PRRG1: variants seen among roughly 807,000 people sequenced by gnomAD.
PRRG1 encodes transmembrane gamma-carboxyglutamic acid protein 1.
A neutral mutation model predicts 11.8 loss-of-function variants in PRRG1; 5 were observed. The ratio of observed to expected loss-of-function variants is 0.42; its 90% CI spans 0.22 to 0.89. PRRG1 has a LOEUF of 0.89. Ranked by LOEUF, PRRG1 falls within the 40% of genes least tolerant of loss-of-function variation. The probability of loss-of-function intolerance (pLI) is 0.28; values close to 1 mark genes in which losing one functional copy is unlikely to be tolerated. For synonymous variants in PRRG1, 66 were observed against 60.4 expected (o/e 1.09, Z -0.43); for missense variants, 155 against 166.1 (o/e 0.93, Z 0.37).
chrX:37,393,632 T>G (rs1931617885), intron 1 of PRRG1, among the ~76,000 whole-genome samples: 1 of 111,679 alleles, frequency 9.0e-6, no homozygotes, highest in Non-Finnish European at 1.9e-5. Context: ...TCTCCCTTGC[T>G]GGTTATGCTG....
intron 1 of PRRG1, among the ~76,000 whole-genome samples, chrX:37,394,173 T>C (rs1267587496): frequency 8.9e-6 from 1 of 112,212 alleles, no homozygotes; most frequent in Non-Finnish European, 1.9e-5. Context: ...ATAATAGATA[T>C]ACAACAAATA....
At chrX:37,378,562 G>A (rs1601980935) in intron 1 of PRRG1, among the ~76,000 whole-genome samples, 1 of 111,633 alleles carries the variant, frequency 9.0e-6, no homozygotes, top group East Asian at 2.8e-4. Context: ...TGAATGGATA[G>A]TGAGGTAATT....
intron 1 of PRRG1, among the ~76,000 whole-genome samples, chrX:37,358,802 T>C (rs1011540141): frequency 8.9e-6 from 1 of 111,910 alleles, no homozygotes; most frequent in Non-Finnish European, 1.9e-5. Flanking sequence ...GTAGATCAAG[T>C]TGGAAAGAAC....
chrX:37,373,269 C>T (rs1556371282), intron 1 of PRRG1, among the ~76,000 whole-genome samples: 1 of 111,697 alleles, frequency 9.0e-6, no homozygotes, highest in East Asian at 2.8e-4. Flanking sequence ...GCTGCTTTGG[C>T]TATTGGGGGT....
At chrX:37,426,139 T>A in intron 3 of PRRG1, 139 bp downstream of exon 3, 2 of 659,426 alleles carry the variant, frequency 3.0e-6, no homozygotes, top group Non-Finnish European at 4.4e-6. Flanking sequence ...GGCATCTAAC[T>A]AGTAATATTC....
At chrX:37,392,657 C>CAAAA (rs11296949) in intron 1 of PRRG1, among the ~76,000 whole-genome samples, 2 of 50,696 alleles carry the variant, frequency 3.9e-5, no homozygotes, top group African/African-American at 5.7e-5. Context: ...GACTCTGTCT[C>CAAAA]AAAAAAAAAA....
Position 37,369,024 on chromosome X carries a change from G to A in PRRG1, c.-42+19629G>A, listed in dbSNP as rs895988499. ...CCCCTCTACTCACACAGCCCACAAGGCACTATTATCATTTTACTTTTAAAC... is the reference window on the plus strand; with the variant it reads ...CCCCTCTACTCACACAGCCCACAAGACACTATTATCATTTTACTTTTAAAC... On this transcript the variant is annotated intron_variant, in intron 1 of 3. Coordinates refer to ENST00000378628, the MANE Select transcript of PRRG1 (RefSeq NM_001142395.2). 8.1e-5 allele frequency among the ~76,000 whole-genome samples: 9 copies of A among 111,395 alleles called. No individual in the cohort carries two copies. The Admixed American group carries it at 8.6e-4, about 11-fold the overall frequency.
chrX:37,389,067 A>G lies in PRRG1; in HGVS notation c.-41-17142A>G, dbSNP rs192092279. On this transcript the variant is annotated intron_variant, in intron 1 of 3. Transcript: ENST00000378628. ...CCACAGATCCCTAGGGTGGGGGTAC[A>G]ATTCAGTCAAATTCTTTGCAAGGAC... Among the ~76,000 whole-genome samples the G allele has an allele frequency of 3.1e-3, 351 of 111,857 alleles. 1 individual carries two copies. Among genetic ancestry groups the G allele is most frequent in the African/African-American group, 0.011 (326 of 30,748 alleles).
At chrX:37,419,010 G>A (rs782778774) in intron 2 of PRRG1, among the ~76,000 whole-genome samples, 4 of 111,860 alleles carry the variant, frequency 3.6e-5, no homozygotes, top group Non-Finnish European at 7.5e-5. Context: ...GTATGACCTT[G>A]GTCATCTCTT....
chrX:37,432,294 G>A (rs868983509), intron 3 of PRRG1, among the ~76,000 whole-genome samples: 188 of 95,453 alleles, frequency 2.0e-3, no homozygotes, highest in African/African-American at 0.01. Flanking sequence ...CACCCTGTTA[G>A]CCAGGATGGT....
intron 3 of PRRG1, among the ~76,000 whole-genome samples, chrX:37,448,559 AT>A (rs1266321937): frequency 8.9e-6 from 1 of 111,742 alleles, no homozygotes; most frequent in Non-Finnish European, 1.9e-5. Flanking sequence ...AATTACTAGA[AT>A]TTCCTTTATG....
rs978160547 is a variant in PRRG1, at chrX:37,448,903, G to A, written c.172-4233G>A. On this transcript the variant is annotated intron_variant, in intron 3 of 3. Transcript: ENST00000378628. ...ACCTCAGCCTCTGAAGTAGCTGAGG[G>A]TACAGGTTTGTGCTACCACACCTCC... Among the ~76,000 whole-genome samples the A allele has an allele frequency of 9.9e-5, 11 of 111,485 alleles. 1 individual carries two copies. Among genetic ancestry groups the A allele is most frequent in the African/African-American group, 3.6e-4 (11 of 30,617 alleles).
In PRRG1 at chrX:37,454,343, A is replaced by G. The variant is rs1394607097; in HGVS notation, c.*722A>G. 9.0e-6 allele frequency: 1 copy of G among 111,378 alleles called. No individual in the cohort carries two copies. The highest frequency in any genetic ancestry group is 1.9e-5 in the Non-Finnish European group (1 of 53,079). 9.2% of individuals were successfully genotyped at this position (111,378 alleles called of 1,213,427 possible). ...CAAAATTAAACAGTGTTTTCTTAGC[A>G]TCTTGAATATCTCCTGCGGTGTATA... On this transcript the variant is annotated 3_prime_UTR_variant, in exon 4 of 4. Coordinates refer to ENST00000378628, the MANE Select transcript of PRRG1 (RefSeq NM_001142395.2).
chrX:37,398,240 C>T (rs1244014453), intron 1 of PRRG1, among the ~76,000 whole-genome samples: 2 of 111,097 alleles, frequency 1.8e-5, no homozygotes, highest in Admixed American at 9.5e-5. Context: ...CCAGTAGGGG[C>T]GGACTGACGC....
At chrX:37,408,847 G>A (rs1433507241) in intron 2 of PRRG1, among the ~76,000 whole-genome samples, 1 of 18,908 alleles carries the variant, frequency 5.3e-5, no homozygotes, top group Non-Finnish European at 8.6e-5. Flanking sequence ...ATAGAGGAGA[G>A]AGCTGCACTG....
At chrX:37,420,474 TC>T (rs1932622293) in intron 2 of PRRG1, among the ~76,000 whole-genome samples, 1 of 109,833 alleles carries the variant, frequency 9.1e-6, no homozygotes, top group South Asian at 3.9e-4. Context: ...AAGTCCTCAT[TC>T]TCTGTTCTTG....
At chrX:37,379,405 C>A (rs782395442) in intron 1 of PRRG1, among the ~76,000 whole-genome samples, 3 of 110,236 alleles carry the variant, frequency 2.7e-5, no homozygotes, top group African/African-American at 9.9e-5. Context: ...AAGTTAATCT[C>A]AGAAAATAGT....
At chrX:37,436,022 A>G (rs1347686241) in intron 3 of PRRG1, among the ~76,000 whole-genome samples, 2 of 112,233 alleles carry the variant, frequency 1.8e-5, no homozygotes, top group Non-Finnish European at 3.8e-5. Context: ...TTATTTCAAA[A>G]TAAGAAAGTT....
chrX:37,404,116 A>G (rs562604304), intron 1 of PRRG1, among the ~76,000 whole-genome samples: 14 of 112,019 alleles, frequency 1.2e-4, no homozygotes, highest in African/African-American at 3.9e-4. Flanking sequence ...TTCTTTTCTA[A>G]AAGACTTTAT....
Sources: allele counts gnomAD v4.1 joint callset (sites outside exome capture counted in the v4.1 genomes callset), GRCh38; gene constraint gnomAD v4.1.1; transcripts MANE v1.5; gene names NCBI Gene and HGNC (gene_info 2026-07-23, HGNC 2026-07-21).